KAT14: variants seen among roughly 807,000 people sequenced by gnomAD.
The protein encoded by KAT14 is cysteine-rich protein 2-binding protein.
In KAT14, 66 loss-of-function variants were observed where a neutral mutation model predicts 78.4. The observed-to-expected ratio is 0.84, with a 90% CI of 0.69 to 1.03. The LOEUF (loss-of-function observed/expected upper bound fraction) is 1.03. KAT14 is among the 50% of genes least tolerant of loss of function. KAT14 has a pLI of 0.00. For missense variants in KAT14, 870 were observed against 972.5 expected, an observed-to-expected ratio of 0.89 and a Z score of 1.40; for synonymous variants, 344 against 359.4, an observed-to-expected ratio of 0.96 and a Z score of 0.48.
intron 1 of KAT14, chr20:18,138,498 G>A: frequency 1.0e-6 from 1 of 979,702 alleles, no homozygotes; most frequent in Non-Finnish European, 1.2e-6. Context: ...CTCCCTCCTG[G>A]CCCAAGGTTG....
Position 18,158,223 on chromosome 20 carries a change from A to T in KAT14, c.501-861A>T, listed in dbSNP as rs186001993. On this transcript the variant is annotated intron_variant, in intron 4 of 10. Transcript: ENST00000688188. ...AGTGCTGGAATTACAGGCGTGAGCC[A>T]CCGCACCCAGCCTCAGATAGTGCTT... Among the ~76,000 whole-genome samples the T allele has an allele frequency of 5.0e-3, 766 of 152,342 alleles. 8 individuals carry two copies. The highest frequency in any genetic ancestry group is 0.017 in the African/African-American group (707 of 41,580).
rs369992102 is a variant in KAT14, at chr20:18,162,900, G to T, written c.1623G>T (p.Thr541=). ...GISRLPAGQA[T]YRTTCQDFRI... ...CCAGACTTCCAGCTGGACAAGCCACGTACAGAACCACCTGTCAGGACTTCA... is the reference window on the plus strand; with the variant it reads ...CCAGACTTCCAGCTGGACAAGCCACTTACAGAACCACCTGTCAGGACTTCA... The change falls in exon 7 of 11, where the codon ACG becomes ACT. Residue 541 remains threonine (T), a synonymous_variant. Transcript: ENST00000688188. 6.2e-7 allele frequency: 1 copy of T among 1,614,170 alleles called. No individual in the cohort carries two copies. Among genetic ancestry groups the T allele is most frequent in the Non-Finnish European group, 8.5e-7 (1 of 1,180,018 alleles).
At chr20:18,158,939 C>G (rs2038317443) in intron 4 of KAT14, 145 bp from the exon 5 acceptor site, 1 of 987,234 alleles carries the variant, frequency 1.0e-6, no homozygotes, top group African/African-American at 1.7e-5. Flanking sequence ...ACTCCAGAGC[C>G]TCTCTCCTGC....
At chr20:18,180,846 C>A (rs1038386485) in intron 7 of KAT14, among the ~76,000 whole-genome samples, 1 of 152,162 alleles carries the variant, frequency 6.6e-6, no homozygotes, top group Admixed American at 6.5e-5. Flanking sequence ...TATCTCCCAC[C>A]AGGTCCCTCC....
At chr20:18,177,199 C>T (rs2039080874) in intron 7 of KAT14, among the ~76,000 whole-genome samples, 1 of 152,166 alleles carries the variant, frequency 6.6e-6, no homozygotes, top group Admixed American at 6.5e-5. Context: ...GCTGGGTTCA[C>T]TCATGTGCTG....
intron 4 of KAT14, among the ~76,000 whole-genome samples, chr20:18,156,029 A>G (rs983704334): frequency 1.3e-5 from 2 of 152,224 alleles, no homozygotes; most frequent in Admixed American, 6.5e-5. Flanking sequence ...AATGTGGCAT[A>G]TACATACAGT....
At chr20:18,137,819 G>A (rs1600210184), upstream of KAT14, 4 of 915,696 alleles carry the variant, frequency 4.4e-6, 1 homozygote, top group African/African-American at 1.8e-5. Flanking sequence ...CCTGGCAGCG[G>A]CGAGCGGCGC....
chr20:18,145,493 ATG>A, intron 3 of KAT14, 142 bp downstream of exon 3: 1 of 1,303,762 alleles, frequency 7.7e-7, no homozygotes. Context: ...GATACCGAAT[ATG>A]TGGAGAAGGG....
intron 7 of KAT14, among the ~76,000 whole-genome samples, chr20:18,178,777 G>T (rs140635776): frequency 6.6e-6 from 1 of 152,020 alleles, no homozygotes; most frequent in Non-Finnish European, 1.5e-5. Flanking sequence ...CAAATCTCAT[G>T]CCCTCACACT....
intron 7 of KAT14, among the ~76,000 whole-genome samples, chr20:18,170,783 C>T (rs551076065): frequency 1.3e-5 from 2 of 152,188 alleles, no homozygotes; most frequent in Non-Finnish European, 1.5e-5. Context: ...GTGGTCCGCC[C>T]GCCTCGGCCT....
At chr20:18,166,704 C>T (rs1350947697) in intron 7 of KAT14, among the ~76,000 whole-genome samples, 1 of 152,208 alleles carries the variant, frequency 6.6e-6, no homozygotes, top group African/African-American at 2.4e-5. Flanking sequence ...TTGCCCTCCT[C>T]TGTATTTGAT....
intron 4 of KAT14, among the ~76,000 whole-genome samples, chr20:18,157,807 T>A (rs2038276883): frequency 6.6e-6 from 1 of 152,240 alleles, no homozygotes; most frequent in African/African-American, 2.4e-5. Context: ...TAAGACTGAA[T>A]AATATTCTAT....
In KAT14 at chr20:18,184,603, C is replaced by A; in HGVS notation, c.1983C>A (p.Gly661=). The change falls in exon 10 of 11, where the codon GGC becomes GGA. Residue 661 remains glycine, a splice_region_variant and synonymous_variant. Coordinates refer to ENST00000688188, the MANE Select transcript of KAT14 (RefSeq NM_001392073.1). ...NSMCQEFFWP[G]IDLSECLQYP... ...TCTCCGATGGTTTCTTTTCTTTAGG[C>A]ATTGACCTGTCTGAGTGTCTGCAGT... The A allele has an allele frequency of 6.2e-7, 1 of 1,604,738 alleles. No individual in the cohort carries two copies. The highest frequency in any genetic ancestry group is 8.5e-7 in the Non-Finnish European group (1 of 1,177,864).
At chr20:18,145,519 C>T (rs780327919) in intron 3 of KAT14, among the ~76,000 whole-genome samples, 168 bp downstream of exon 3, 3 of 152,150 alleles carry the variant, frequency 2.0e-5, no homozygotes, top group African/African-American at 4.8e-5. Flanking sequence ...GAAAAATACT[C>T]GCTGTAATCC....
At chr20:18,186,888 C>T (rs2039467872) in intron 10 of KAT14, among the ~76,000 whole-genome samples, 1 of 152,066 alleles carries the variant, frequency 6.6e-6, no homozygotes, top group Non-Finnish European at 1.5e-5. Flanking sequence ...TGGGGAGGTA[C>T]AAGATAACAT....
chr20:18,183,496 TTTTG>T (rs1243295118), intron 9 of KAT14, 198 bp downstream of exon 9: 10 of 983,822 alleles, frequency 1.0e-5, no homozygotes, highest in Non-Finnish European at 9.7e-6. Flanking sequence ...TAAACAGTGT[TTTTG>T]TTTGTTTCTC....
rs1384256252 is a variant in KAT14, at chr20:18,181,784, T to TA, written c.1744dup (p.Met582AsnfsTer23). The TA allele has an allele frequency of 1.2e-6, 2 of 1,614,126 alleles. No individual in the cohort carries two copies. Among genetic ancestry groups the TA allele is most frequent in the Non-Finnish European group, 1.7e-6 (2 of 1,180,052 alleles). ...TGTATCGCTTGGTAGGATCAGAAGA[T>TA]ATGGCTGTGGACCAGAGTATTGTCA... On this transcript the variant is annotated frameshift_variant, in exon 8 of 11. Transcript: ENST00000688188. LOFTEE classifies it high-confidence loss of function.
intron 3 of KAT14, among the ~76,000 whole-genome samples, chr20:18,150,102 T>G (rs2037979959): frequency 6.6e-6 from 1 of 152,208 alleles, no homozygotes; most frequent in African/African-American, 2.4e-5. Context: ...GAATTCCTCA[T>G]CTGTAAAATA....
At position 18,172,391 on chromosome 20, in the gene KAT14, C is replaced by T. The variant is rs1475596678; in HGVS notation, c.1669-9319C>T. Among the ~76,000 whole-genome samples, 5 of 149,734 alleles carry T rather than the reference C, an allele frequency of 3.3e-5. No homozygotes were observed. In the East Asian group the frequency reaches 6.0e-4, roughly 18 times the overall value. ...CTGGAATTACAGGTTTGAGCCACTA[C>T]GCCTGGCCACTTTTTTTTTTTTTTT... is the stretch of plus-strand genomic sequence containing the variant. On this transcript the variant is annotated intron_variant, in intron 7 of 10. Transcript: ENST00000688188.
Sources: gnomAD v4.1 joint callset for allele counts (sites outside exome capture counted in the v4.1 genomes callset) on GRCh38, gnomAD v4.1.1 for gene constraint, MANE v1.5 for transcripts, NCBI Gene and HGNC (gene_info 2026-07-23, HGNC 2026-07-21) for gene names.